The following ABCC11 variants were observed in gnomAD, a reference collection of about 807,000 sequenced individuals.
The protein encoded by ABCC11 is ATP-binding cassette sub-family C member 11.
A neutral mutation model predicts 149.3 loss-of-function variants in ABCC11; 135 were observed. The observed-to-expected ratio is 0.90, with a 90% CI of 0.79 to 1.04. The LOEUF (loss-of-function observed/expected upper bound fraction) is 1.04. Ranked by LOEUF, ABCC11 falls within the 50% of genes least tolerant of loss-of-function variation. The pLI is 0.00. For synonymous variants in ABCC11, 665 were observed against 671.4 expected, an observed-to-expected ratio of 0.99 and a Z score of 0.15; for missense variants, 1,680 against 1,722.1, an observed-to-expected ratio of 0.98 and a Z score of 0.43.
In ABCC11 at chr16:48,167,366, C is replaced by T. The variant is rs771329111; in HGVS notation, c.4057G>A (p.Val1353Met). The change falls in exon 30 of 30, where the codon GTG becomes ATG. Residue 1353 changes from valine (V) to methionine (M), a missense_variant and splice_region_variant. Physicochemically the swap from Val to Met is conservative, Grantham distance 21 (BLOSUM62 1). Coordinates refer to ENST00000356608, the MANE Select transcript of ABCC11 (RefSeq NM_001370497.1). The part of the protein sequence containing the change: ...DHILVMGNGK[V>M]VEFDRPEVLR... ...ACCTCCGGCCGATCAAATTCTACCA[C>T]CTGGAGGGTAGAGAAAGGCGAGGGG... 1.8e-5 allele frequency: 25 copies of T among 1,369,106 alleles called. No individual in the cohort carries two copies. Among genetic ancestry groups the T allele is most frequent in the Non-Finnish European group, 2.6e-5 (25 of 956,452 alleles). The allele number at this position is 1,369,106 out of a possible 1,614,324, so 84.8% of individuals were successfully genotyped here.
At chr16:48,246,112 C>G (rs941854899) in intron 1 of ABCC11, among the ~76,000 whole-genome samples, 20 of 151,936 alleles carry the variant, frequency 1.3e-4, no homozygotes, top group African/African-American at 4.6e-4. Context: ...GGTACCTCCC[C>G]CCACCCCCGT....
chr16:48,192,615 G>C lies in ABCC11; in HGVS notation c.2611C>G (p.Leu871Val). Reference sequence around the variant, plus strand: ...CAGACCCCCACACAGATGAGGAGCAGGGCGTTGAGCCCGTACACCAGCTGG... The same window carrying C: ...CAGACCCCCACACAGATGAGGAGCACGGCGTTGAGCCCGTACACCAGCTGG... ...FYQLVYGLNALLLICVGVCSS... is the reference protein window; with the variant it reads ...FYQLVYGLNAVLLICVGVCSS... Residue 871 changes from leucine (L) to valine (V), a missense_variant, in exon 20 of 30, where the codon CTG becomes GTG. Transcript: ENST00000356608. The C allele has an allele frequency of 6.2e-7, 1 of 1,614,210 alleles. No individual in the cohort carries two copies. Among genetic ancestry groups the C allele is most frequent in the South Asian group, 1.1e-5 (1 of 91,084 alleles).
intron 1 of ABCC11, among the ~76,000 whole-genome samples, chr16:48,236,114 A>G (rs188923651): frequency 1.6e-3 from 247 of 152,270 alleles, no homozygotes; most frequent in Non-Finnish European, 3.0e-3. Flanking sequence ...GTGCTATTTA[A>G]CTTTCTCTGC....
intron 10 of ABCC11, among the ~76,000 whole-genome samples, chr16:48,212,536 T>G (rs1294265312): frequency 6.6e-6 from 1 of 152,228 alleles, no homozygotes; most frequent in Non-Finnish European, 1.5e-5. Flanking sequence ...TGACCCAGGT[T>G]GGACAAGCTT....
In ABCC11 at chr16:48,227,953, G is replaced by T; in HGVS notation, c.248C>A (p.Pro83His). 1 of 1,612,184 alleles carries T rather than the reference G, an allele frequency of 6.2e-7. No individual in the cohort carries two copies. Among genetic ancestry groups the T allele is most frequent in the East Asian group, 2.2e-5 (1 of 44,758 alleles). ...CAGGCCAGCATTGTCCAGGGGCTGG[G>T]GGGCAGGAAACCTAGTAGAGGGGCC... ...PFRPKPRFPAPQPLDNAGLFS... is the reference protein window; with the variant it reads ...PFRPKPRFPAHQPLDNAGLFS... Residue 83 changes from proline (P) to histidine (H), a missense_variant, in exon 4 of 30, where the codon CCC (proline) becomes CAC (histidine). Physicochemically the swap from Pro to His is moderately conservative, Grantham distance 77. Transcript: ENST00000356608.
chr16:48,171,938 G>C (rs1453976021), intron 26 of ABCC11, among the ~76,000 whole-genome samples: 1 of 152,142 alleles, frequency 6.6e-6, no homozygotes, highest in Non-Finnish European at 1.5e-5. Flanking sequence ...ACTCTAGCCT[G>C]GGTGACAGAG....
chr16:48,226,271 C>CTTT (rs34235862), intron 4 of ABCC11, among the ~76,000 whole-genome samples: 13 of 119,496 alleles, frequency 1.1e-4, no homozygotes, highest in East Asian at 2.4e-4. Context: ...TTATGATCCA[C>CTTT]TTTTTTTTTT....
Position 48,244,663 on chromosome 16 carries a change from C to T in ABCC11, c.-19+2651G>A, listed in dbSNP as rs980693453. 62 of 1,297,192 alleles carry T rather than the reference C, an allele frequency of 4.8e-5. No individual in the cohort carries two copies. In the African/African-American group the frequency reaches 7.2e-4, roughly 15 times the overall value. The allele number at this position is 1,297,192 out of a possible 1,614,324, so 80.4% of individuals were successfully genotyped here. A position where few individuals can be genotyped will look rare whatever the true frequency, so the allele number is the denominator to read the frequency against. ...CCGCGGCGGCGGCGGGCGGCGCGGC[C>T]TCCTCCGGGGACCTGGGCCCAGGCC... On this transcript the variant is annotated intron_variant, in intron 1 of 29. Transcript: ENST00000356608.
intron 2 of ABCC11, among the ~76,000 whole-genome samples, chr16:48,231,439 G>A (rs1487140574): frequency 6.6e-6 from 1 of 152,070 alleles, no homozygotes; most frequent in Non-Finnish European, 1.5e-5. Flanking sequence ...GCCAAGACAG[G>A]AGGATGGAGG....
chr16:48,202,067 A>G lies in ABCC11; in HGVS notation c.1878+1161T>C, dbSNP rs183459325. On this transcript the variant is annotated intron_variant, in intron 14 of 29. Coordinates refer to ENST00000356608, the MANE Select transcript of ABCC11 (RefSeq NM_001370497.1). Reference sequence around the variant, plus strand: ...CAAAGCCCAGTTTCCCCATTCATTCATTTACTTATTCATCAAACACTATTC... The same window carrying G: ...CAAAGCCCAGTTTCCCCATTCATTCGTTTACTTATTCATCAAACACTATTC... 4.2e-4 allele frequency among the ~76,000 whole-genome samples: 64 copies of G among 152,258 alleles called. No homozygotes were observed. The East Asian group carries it at 0.012, about 29-fold the overall frequency.
At chr16:48,192,383 G>A in intron 20 of ABCC11, 137 bp downstream of exon 20, 1 of 938,082 alleles carries the variant, frequency 1.1e-6, no homozygotes, top group Non-Finnish European at 1.5e-6. Context: ...GGTGGAGGTT[G>A]CCATGAGTGG....
At chr16:48,184,256 G>C (rs969178898) in intron 23 of ABCC11, among the ~76,000 whole-genome samples, 184 bp downstream of exon 23, 1 of 152,204 alleles carries the variant, frequency 6.6e-6, no homozygotes, top group Admixed American at 6.5e-5. Context: ...CCAATTCAGA[G>C]CTGACCACAA....
intron 18 of ABCC11, 70 bp downstream of exon 18, chr16:48,196,162 T>C: frequency 6.6e-7 from 1 of 1,522,542 alleles, no homozygotes; most frequent in Non-Finnish European, 9.1e-7. Context: ...CCTCACGTGT[T>C]CCAATCTGAC....
intron 22 of ABCC11, among the ~76,000 whole-genome samples, chr16:48,184,834 T>G (rs1478367358): frequency 6.6e-6 from 1 of 152,090 alleles, no homozygotes; most frequent in Admixed American, 6.6e-5. Flanking sequence ...GATTGAGGAG[T>G]AGGCTCTGCT....
intron 5 of ABCC11, among the ~76,000 whole-genome samples, chr16:48,223,286 C>T (rs1372005632): frequency 2.0e-5 from 3 of 152,162 alleles, no homozygotes; most frequent in Non-Finnish European, 4.4e-5. Context: ...GAGCTCTGGT[C>T]ACCAGCCTCC....
At chr16:48,196,526 A>G (rs1967435139) in intron 17 of ABCC11, among the ~76,000 whole-genome samples, 1 of 152,198 alleles carries the variant, frequency 6.6e-6, no homozygotes, top group African/African-American at 2.4e-5. Flanking sequence ...ATCCTTAGCC[A>G]TTCAATAAAC....
At chr16:48,211,266 C>G (rs1318524367) in intron 10 of ABCC11, 67 bp from the exon 11 acceptor site, 2 of 1,550,030 alleles carry the variant, frequency 1.3e-6, no homozygotes, top group African/African-American at 2.7e-5. Context: ...AATGTGTTCC[C>G]AGTTTTACAA....
intron 22 of ABCC11, 61 bp downstream of exon 22, chr16:48,186,892 T>G: frequency 6.3e-7 from 1 of 1,594,400 alleles, no homozygotes; most frequent in Non-Finnish European, 8.6e-7. Context: ...GCTCCATTCT[T>G]TCCCTGCTCC....
chr16:48,166,984 A>G lies in ABCC11; in HGVS notation c.*290T>C. 5.2e-6 allele frequency: 2 copies of G among 385,030 alleles called. No individual in the cohort carries two copies. Among genetic ancestry groups the G allele is most frequent in the Non-Finnish European group, 9.5e-6 (2 of 210,400 alleles). The allele number at this position is 385,030 out of a possible 1,614,324, so 23.9% of individuals were successfully genotyped here. A position where few individuals can be genotyped will look rare whatever the true frequency, so the allele number is the denominator to read the frequency against. ...CACTTCTAACACAGATCAGAAAACTATAAGCTTTTACCTTATTATAAAATT... is the reference window on the plus strand; with the variant it reads ...CACTTCTAACACAGATCAGAAAACTGTAAGCTTTTACCTTATTATAAAATT... On this transcript the variant is annotated 3_prime_UTR_variant, in exon 30 of 30. Coordinates refer to ENST00000356608, the MANE Select transcript of ABCC11 (RefSeq NM_001370497.1).
Sources: gnomAD v4.1 joint callset for allele counts (sites outside exome capture counted in the v4.1 genomes callset) on GRCh38, gnomAD v4.1.1 for gene constraint, MANE v1.5 for transcripts, NCBI Gene and HGNC (gene_info 2026-07-23, HGNC 2026-07-21) for gene names.